The following SUCLG2 variants were observed in gnomAD, a reference collection of about 807,000 sequenced individuals.
The protein encoded by SUCLG2 is succinate--CoA ligase [GDP-forming] subunit beta, mitochondrial.
Under a neutral mutation model 47.9 loss-of-function variants are expected in SUCLG2, and 42 were observed. The observed-to-expected ratio is 0.88, with a 90% CI of 0.69 to 1.14. The LOEUF (loss-of-function observed/expected upper bound fraction) is 1.14. Ranked by LOEUF, SUCLG2 falls within the 50% of genes most tolerant of loss-of-function variation. The probability of loss-of-function intolerance (pLI) is 0.00; values close to 1 mark genes in which losing one functional copy is unlikely to be tolerated. For synonymous variants in SUCLG2, 195 were observed against 197.3 expected, an observed-to-expected ratio of 0.99 and a Z score of 0.10; for missense variants, 571 against 525.9, an observed-to-expected ratio of 1.09 and a Z score of -0.84.
chr3:67,465,356 A>G (rs1166224320), intron 9 of SUCLG2, among the ~76,000 whole-genome samples: 2 of 152,138 alleles, frequency 1.3e-5, no homozygotes, highest in Non-Finnish European at 2.9e-5. Flanking sequence ...CTCTGCTCTG[A>G]AACACTCAGA....
intron 1 of SUCLG2, among the ~76,000 whole-genome samples, chr3:67,646,360 C>T (rs1191623035): frequency 6.6e-6 from 1 of 152,148 alleles, no homozygotes; most frequent in Non-Finnish European, 1.5e-5. Flanking sequence ...CTTTGTGAGG[C>T]CAGGTGGGTG....
chr3:67,411,263 T>G (rs925436617), intron 9 of SUCLG2, among the ~76,000 whole-genome samples: 6 of 152,032 alleles, frequency 3.9e-5, no homozygotes, highest in African/African-American at 9.7e-5. Context: ...GAGCCAAAAC[T>G]TAAGACCACA....
At chr3:67,563,410 C>T (rs1482881995) in intron 2 of SUCLG2, among the ~76,000 whole-genome samples, 1 of 152,094 alleles carries the variant, frequency 6.6e-6, no homozygotes, top group Non-Finnish European at 1.5e-5. Flanking sequence ...ACACATTTAG[C>T]CTTTAACAGG....
chr3:67,408,406 A>G (rs924770122), intron 9 of SUCLG2, among the ~76,000 whole-genome samples: 7 of 152,230 alleles, frequency 4.6e-5, no homozygotes, highest in African/African-American at 1.7e-4. Flanking sequence ...GAAATGTCTT[A>G]TACAACACCC....
chr3:67,630,441 C>T (rs898522341), intron 1 of SUCLG2, among the ~76,000 whole-genome samples: 7 of 149,974 alleles, frequency 4.7e-5, no homozygotes, highest in Non-Finnish European at 7.4e-5. Context: ...TTGCCATTAA[C>T]GCTATAAGCA....
intron 1 of SUCLG2, among the ~76,000 whole-genome samples, chr3:67,647,671 G>T (rs925154860): frequency 1.3e-5 from 2 of 152,216 alleles, no homozygotes; most frequent in Non-Finnish European, 2.9e-5. Context: ...GTAAATGTTT[G>T]TGAAATGAGT....
intron 2 of SUCLG2, among the ~76,000 whole-genome samples, chr3:67,531,335 ATAT>A (rs1706398804): frequency 6.6e-6 from 1 of 152,184 alleles, no homozygotes; most frequent in Non-Finnish European, 1.5e-5. Context: ...ATCATTTTTC[ATAT>A]CCTTGTCATC....
intron 9 of SUCLG2, among the ~76,000 whole-genome samples, chr3:67,485,009 C>A (rs1031355424): frequency 2.6e-5 from 4 of 152,126 alleles, no homozygotes; most frequent in African/African-American, 9.7e-5. Flanking sequence ...TCATTCTTGA[C>A]GCCTCCTAAC....
chr3:67,563,972 A>G (rs201233891), intron 2 of SUCLG2, among the ~76,000 whole-genome samples: 9 of 145,518 alleles, frequency 6.2e-5, no homozygotes, highest in South Asian at 2.3e-4. Context: ...AAAAAAAAAA[A>G]AAAAAAGAAA....
At chr3:67,410,216 A>C (rs1702904355) in intron 9 of SUCLG2, among the ~76,000 whole-genome samples, 1 of 152,166 alleles carries the variant, frequency 6.6e-6, no homozygotes, top group Admixed American at 6.5e-5. Flanking sequence ...TAATCATTTC[A>C]TTATTTAGGT....
chr3:67,428,585 G>A (rs536403544), intron 9 of SUCLG2, among the ~76,000 whole-genome samples: 11 of 152,342 alleles, frequency 7.2e-5, no homozygotes, highest in African/African-American at 1.7e-4. Flanking sequence ...GAACAAAGCT[G>A]AACAGAGAAT....
chr3:67,440,034 T>C (rs1703718964), intron 9 of SUCLG2, among the ~76,000 whole-genome samples: 1 of 152,074 alleles, frequency 6.6e-6, no homozygotes, highest in South Asian at 2.1e-4. Flanking sequence ...AAAACAGATA[T>C]ATAGACCGAT....
intron 9 of SUCLG2, among the ~76,000 whole-genome samples, chr3:67,425,327 A>G (rs967058582): frequency 3.9e-4 from 59 of 152,274 alleles, no homozygotes; most frequent in African/African-American, 1.3e-3. Context: ...ATGCTTGGAA[A>G]GTACGATAAT....
At chr3:67,398,345 C>T (rs949281182) in intron 10 of SUCLG2, among the ~76,000 whole-genome samples, 4 of 151,014 alleles carry the variant, frequency 2.6e-5, no homozygotes, top group Admixed American at 1.3e-4. Context: ...ACAACCCCAT[C>T]AAAAAGTGGG....
At chr3:67,560,022 C>A (rs1397379193) in intron 2 of SUCLG2, among the ~76,000 whole-genome samples, 1 of 151,948 alleles carries the variant, frequency 6.6e-6, no homozygotes, top group Non-Finnish European at 1.5e-5. Context: ...TTGTTATGAA[C>A]CTAAAACTTC....
intron 4 of SUCLG2, among the ~76,000 whole-genome samples, chr3:67,521,205 GA>G (rs1706092672): frequency 6.6e-6 from 1 of 152,140 alleles, no homozygotes; most frequent in Non-Finnish European, 1.5e-5. Flanking sequence ...ATATAAATGA[GA>G]AAGTGAAAGC....
chr3:67,406,448 A>G (rs1559514433), intron 9 of SUCLG2, among the ~76,000 whole-genome samples: 1 of 152,190 alleles, frequency 6.6e-6, no homozygotes, highest in Non-Finnish European at 1.5e-5. Context: ...CAGGACCTAT[A>G]TTACACCAGG....
intron 9 of SUCLG2, among the ~76,000 whole-genome samples, chr3:67,465,668 C>G (rs756770215): frequency 6.6e-6 from 1 of 152,226 alleles, no homozygotes. Context: ...CAGAGTCAGA[C>G]CTGCATCATA....
chr3:67,402,820 A>T (rs1702717872), intron 9 of SUCLG2, among the ~76,000 whole-genome samples: 1 of 152,248 alleles, frequency 6.6e-6, no homozygotes, highest in Non-Finnish European at 1.5e-5. Flanking sequence ...GGGAATTCTC[A>T]TTAAATTAGA....
Sources: gnomAD v4.1 joint callset for allele counts (sites outside exome capture counted in the v4.1 genomes callset) on GRCh38, gnomAD v4.1.1 for gene constraint, MANE v1.5 for transcripts, NCBI Gene and HGNC (gene_info 2026-07-23, HGNC 2026-07-21) for gene names.